Variants in SHTN1 observed in about 807,000 individuals in gnomAD.
The protein encoded by SHTN1 is shootin 1, also known as shootin-1.
SHTN1 carries 42 observed loss-of-function variants against 83.1 expected under a neutral mutation model. The ratio of observed to expected loss-of-function variants is 0.51; its 90% CI spans 0.39 to 0.65. SHTN1 has a LOEUF of 0.65. Ranked by LOEUF, SHTN1 falls within the 30% of genes least tolerant of loss-of-function variation. The probability of loss-of-function intolerance (pLI) is 0.00; values close to 1 mark genes in which losing one functional copy is unlikely to be tolerated. For missense variants in SHTN1, 622 were observed against 737.8 expected, an observed-to-expected ratio of 0.84 and a Z score of 1.82; for synonymous variants, 224 against 247.7, an observed-to-expected ratio of 0.90 and a Z score of 0.90.
intron 12 of SHTN1, among the ~76,000 whole-genome samples, chr10:116,918,440 C>T (rs1848446083): frequency 6.6e-6 from 1 of 151,866 alleles, no homozygotes; most frequent in African/African-American, 2.4e-5. Flanking sequence ...ATTACTATTT[C>T]TTTCACTAAC....
chr10:117,114,905 G>T (rs750180087), intron 1 of SHTN1, among the ~76,000 whole-genome samples: 1 of 152,194 alleles, frequency 6.6e-6, no homozygotes, highest in Non-Finnish European at 1.5e-5. Context: ...GAGATGTACA[G>T]GGGCCCTGGG....
intron 1 of SHTN1, among the ~76,000 whole-genome samples, chr10:116,986,686 G>A (rs1006454886): frequency 2.0e-5 from 3 of 150,722 alleles, no homozygotes; most frequent in Admixed American, 6.6e-5. Flanking sequence ...GTTTGAGGCC[G>A]GCCTGGGCAA....
intron 5 of SHTN1, among the ~76,000 whole-genome samples, chr10:116,953,618 G>GTTTTGTT (rs1257962778): frequency 2.4e-5 from 2 of 82,002 alleles, no homozygotes. Flanking sequence ...TCAGTTTTGT[G>GTTTTGTT]TTTTGTTTTT....
At chr10:117,094,897 C>A (rs17095673) in intron 1 of SHTN1, among the ~76,000 whole-genome samples, 4,205 of 152,200 alleles carry the variant, frequency 0.028, 133 homozygotes, top group East Asian at 0.12. Context: ...GCCTCAAAAT[C>A]AAGGGAGGAT....
At chr10:117,017,387 A>T (rs1307474507) in intron 2 of SHTN1, among the ~76,000 whole-genome samples, 1 of 150,326 alleles carries the variant, frequency 6.7e-6, no homozygotes, top group East Asian at 2.0e-4. Context: ...GCTACTCGGG[A>T]GGCTGAGGAA....
intron 2 of SHTN1, among the ~76,000 whole-genome samples, chr10:117,018,872 G>A (rs1302159382): frequency 1.3e-5 from 2 of 151,586 alleles, no homozygotes; most frequent in East Asian, 1.9e-4. Flanking sequence ...CGCCTGGCCT[G>A]CACTCACCAC....
In SHTN1 at chr10:116,953,623, GTTTTTTTT is replaced by G. The variant is rs759706275; in HGVS notation, c.436+411_436+418del. On this transcript the variant is annotated intron_variant, in intron 5 of 16. Transcript: ENST00000355371. ...GACCCAGGCATCAGTTTTGTGTTTTGTTTTTTTTTTTTTTTTTTTTTTGAGACAGAGTC... is the reference window on the plus strand; with the variant it reads ...GACCCAGGCATCAGTTTTGTGTTTTGTTTTTTTTTTTTTTGAGACAGAGTC... Among the ~76,000 whole-genome samples, 108 of 92,726 alleles carry G rather than the reference GTTTTTTTT, an allele frequency of 1.2e-3. 2 individuals are homozygous for G. In the South Asian group the frequency reaches 0.043, roughly 37 times the overall value. 60.8% of individuals were successfully genotyped at this position (92,726 alleles called of 152,430 possible).
intron 7 of SHTN1, among the ~76,000 whole-genome samples, chr10:116,947,558 A>G (rs1332642754): frequency 1.3e-5 from 2 of 152,218 alleles, no homozygotes; most frequent in African/African-American, 4.8e-5. Context: ...ATGATTTTCA[A>G]GCCTATTTAA....
rs200409230 is a variant in SHTN1, at chr10:117,020,968, T to TA, written c.-123+27476dup. On this transcript the variant is annotated intron_variant, in intron 2 of 17. Coordinates refer to the SHTN1 transcript ENST00000392901. The stretch of plus-strand genomic sequence containing the variant: ...CTCAATAATAATACAACTCAGTAAT[T>TA]AAAAAAAAACCCAATAAAAATGAGC... 5.8e-4 allele frequency among the ~76,000 whole-genome samples: 87 copies of TA among 150,614 alleles called. 1 individual carries two copies. In the South Asian group the frequency reaches 7.7e-3, roughly 13 times the overall value.
At chr10:117,121,989 G>A (rs925071657) in intron 1 of SHTN1, among the ~76,000 whole-genome samples, 32 of 152,094 alleles carry the variant, frequency 2.1e-4, no homozygotes, top group Admixed American at 1.7e-3. Flanking sequence ...CTGAGATCGC[G>A]CCACTGCACT....
intron 16 of SHTN1, among the ~76,000 whole-genome samples, chr10:116,899,098 T>C (rs1444878392): frequency 2.6e-5 from 4 of 152,040 alleles, no homozygotes; most frequent in Admixed American, 6.6e-5. Context: ...AAGCCTACCA[T>C]AAGGCAGGAA....
At chr10:117,095,603 C>T (rs1045250481) in intron 1 of SHTN1, among the ~76,000 whole-genome samples, 17 of 152,132 alleles carry the variant, frequency 1.1e-4, no homozygotes, top group South Asian at 4.1e-4. Flanking sequence ...AAGAGAAATG[C>T]GTACTATTCT....
intron 14 of SHTN1, among the ~76,000 whole-genome samples, chr10:116,910,935 A>G (rs144505231): frequency 9.1e-4 from 138 of 152,362 alleles, no homozygotes; most frequent in African/African-American, 3.2e-3. Flanking sequence ...GTTTAAAGAC[A>G]TGCTTGATGA....
At chr10:117,102,087 T>A (rs1589933108) in intron 1 of SHTN1, among the ~76,000 whole-genome samples, 1 of 150,000 alleles carries the variant, frequency 6.7e-6, no homozygotes, top group Non-Finnish European at 1.5e-5. Context: ...AAAAATCACC[T>A]GACCACATGG....
chr10:117,097,131 C>A (rs1401183123), intron 1 of SHTN1, among the ~76,000 whole-genome samples: 1 of 152,010 alleles, frequency 6.6e-6, no homozygotes, highest in African/African-American at 2.4e-5. Context: ...CATTTCATAA[C>A]TTCATCTTAT....
intron 16 of SHTN1, among the ~76,000 whole-genome samples, chr10:116,890,187 A>G (rs909666198): frequency 1.1e-4 from 10 of 90,398 alleles, no homozygotes; most frequent in Non-Finnish European, 2.7e-4. Context: ...ACTTTAATGC[A>G]ACCTCTAAGG....
intron 13 of SHTN1, among the ~76,000 whole-genome samples, chr10:116,913,961 A>C (rs1180356008): frequency 1.3e-5 from 2 of 152,206 alleles, no homozygotes; most frequent in African/African-American, 4.8e-5. Context: ...CCAGTTTTAC[A>C]TTTCATCCTT....
chr10:116,899,544 T>TGTGTGA (rs1564865093), intron 16 of SHTN1, among the ~76,000 whole-genome samples: 1 of 99,164 alleles, frequency 1.0e-5, no homozygotes, highest in Non-Finnish European at 2.6e-5. Context: ...TGTGTGTGTG[T>TGTGTGA]GTGAGAGAGT....
chr10:116,990,883 C>G (rs997230996), intron 1 of SHTN1, among the ~76,000 whole-genome samples: 2 of 152,024 alleles, frequency 1.3e-5, no homozygotes, highest in Non-Finnish European at 2.9e-5. Flanking sequence ...TTGGTTAAAG[C>G]CTTAAAGGGC....
Sources: gnomAD v4.1 joint callset for allele counts (sites outside exome capture counted in the v4.1 genomes callset) on GRCh38, gnomAD v4.1.1 for gene constraint, MANE v1.5 for transcripts, NCBI Gene and HGNC (gene_info 2026-07-23, HGNC 2026-07-21) for gene names.